Variants in EYS observed in about 807,000 individuals in gnomAD.
EYS encodes the protein protein eyes shut homolog.
A neutral mutation model predicts 282.1 loss-of-function variants in EYS; 250 were observed. The observed-to-expected ratio is 0.89, with a 90% CI of 0.80 to 0.98. The LOEUF is 0.98. Ranked by LOEUF, EYS falls within the 50% of genes least tolerant of loss-of-function variation. EYS has a pLI of 0.00. For synonymous variants in EYS, 1,355 were observed against 1,282.9 expected (o/e 1.06, Z -1.20); for missense variants, 4,016 against 3,709.0 (o/e 1.08, Z -2.15).
intron 30 of EYS, among the ~76,000 whole-genome samples, chr6:64,231,808 C>T (rs1183454908): frequency 1.3e-5 from 2 of 152,086 alleles, no homozygotes; most frequent in African/African-American, 4.8e-5. Flanking sequence ...TCAGCATACT[C>T]ATGAGTTTCA....
At chr6:63,809,553 A>T (rs1187503869) in intron 36 of EYS, among the ~76,000 whole-genome samples, 1 of 152,208 alleles carries the variant, frequency 6.6e-6, no homozygotes, top group African/African-American at 2.4e-5. Context: ...AATGAATTGG[A>T]AACATGAAGA....
intron 36 of EYS, among the ~76,000 whole-genome samples, chr6:63,828,325 C>T (rs557628229): frequency 1.3e-5 from 2 of 152,192 alleles, no homozygotes; most frequent in Admixed American, 1.3e-4. Flanking sequence ...AATTGATAGA[C>T]CATTAGCAAG....
At chr6:65,334,833 T>C in intron 11 of EYS, 147 bp downstream of exon 11, 1 of 654,890 alleles carries the variant, frequency 1.5e-6, no homozygotes, top group Non-Finnish European at 2.6e-6. Context: ...ATATAATAAC[T>C]ATATATGTAT....
At chr6:64,451,368 T>C (rs1217053956) in intron 26 of EYS, among the ~76,000 whole-genome samples, 1 of 152,132 alleles carries the variant, frequency 6.6e-6, no homozygotes, top group African/African-American at 2.4e-5. Context: ...CAATAATTAA[T>C]AGCTTACCAA....
chr6:64,977,092 C>T (rs892022531), intron 14 of EYS, among the ~76,000 whole-genome samples: 2 of 151,760 alleles, frequency 1.3e-5, no homozygotes, highest in African/African-American at 2.4e-5. Flanking sequence ...GGGATTTTGC[C>T]ATGTTGGCTA....
At chr6:63,991,057 G>A (rs1767581900) in intron 34 of EYS, among the ~76,000 whole-genome samples, 1 of 151,726 alleles carries the variant, frequency 6.6e-6, no homozygotes, top group African/African-American at 2.4e-5. Context: ...GAGATGGGCA[G>A]CTTGTGGCAG....
At chr6:65,295,837 A>G (rs1768645571) in intron 12 of EYS, 26 bp downstream of exon 12, 1 of 1,474,684 alleles carries the variant, frequency 6.8e-7, no homozygotes, top group Non-Finnish European at 9.0e-7. Context: ...TAGAAAATTT[A>G]ATTTATCAGG....
intron 22 of EYS, among the ~76,000 whole-genome samples, chr6:64,666,776 A>G (rs958687702): frequency 6.6e-6 from 1 of 152,174 alleles, no homozygotes; most frequent in African/African-American, 2.4e-5. Flanking sequence ...ACCTACCAAT[A>G]ACCAGTCTGT....
intron 29 of EYS, among the ~76,000 whole-genome samples, chr6:64,328,469 C>T (rs1770511357): frequency 6.6e-6 from 1 of 152,168 alleles, no homozygotes; most frequent in South Asian, 2.1e-4. Flanking sequence ...TCTCAGAGGT[C>T]TGCCAGAAGC....
intron 31 of EYS, among the ~76,000 whole-genome samples, chr6:64,109,722 A>G (rs1773145397): frequency 6.6e-6 from 1 of 152,174 alleles, no homozygotes; most frequent in Non-Finnish European, 1.5e-5. Flanking sequence ...TGGGAAAAGT[A>G]CATTAGAAAG....
chr6:64,699,632 C>T (rs1770711469), intron 22 of EYS, among the ~76,000 whole-genome samples: 1 of 151,938 alleles, frequency 6.6e-6, no homozygotes, highest in Non-Finnish European at 1.5e-5. Flanking sequence ...ATACAACTCC[C>T]AAGATTCATG....
At chr6:64,245,925 A>C (rs1025129520) in intron 30 of EYS, among the ~76,000 whole-genome samples, 2 of 146,400 alleles carry the variant, frequency 1.4e-5, no homozygotes, top group African/African-American at 5.0e-5. Flanking sequence ...AGGCTGAGGC[A>C]GGAGAATGGC....
chr6:64,834,385 G>C (rs560523819), intron 19 of EYS, among the ~76,000 whole-genome samples: 72 of 151,706 alleles, frequency 4.7e-4, no homozygotes, highest in Non-Finnish European at 9.1e-4. Context: ...ATACAGAGCT[G>C]CATGAAAAAA....
intron 26 of EYS, among the ~76,000 whole-genome samples, chr6:64,483,315 C>T (rs956304123): frequency 1.3e-5 from 2 of 151,670 alleles, no homozygotes; most frequent in Non-Finnish European, 3.0e-5. Context: ...GAGTAAAACA[C>T]TTAAACCCTA....
chr6:64,070,388 C>G (rs908569073), intron 32 of EYS, among the ~76,000 whole-genome samples: 4 of 151,994 alleles, frequency 2.6e-5, no homozygotes, highest in Admixed American at 1.3e-4. Flanking sequence ...CTGAGATAAT[C>G]AGAAAATGTT....
chr6:65,598,088 A>T lies in EYS; in HGVS notation c.-333+41690T>A, dbSNP rs909625432. 5.3e-5 allele frequency among the ~76,000 whole-genome samples: 8 copies of T among 151,152 alleles called. 1 individual carries two copies. The highest frequency in any genetic ancestry group is 4.6e-4 in the Admixed American group (7 of 15,086). ...GCACTCTAAACCTGGCAACAGAACG[A>T]AACCTTGTCAAAACAAAAACAAAAC... On this transcript the variant is annotated intron_variant, in intron 2 of 42. Transcript: ENST00000503581.
Position 65,179,575 on chromosome 6 carries a change from AC to A in EYS, c.2023+116287del, listed in dbSNP as rs528235316. ...AAATTGAGGCAATAACAGCTTAGCAACCAAAAAAAGTCCAGGACCAGATGGA... is the reference window on the plus strand; with the variant it reads ...AAATTGAGGCAATAACAGCTTAGCAACAAAAAAAGTCCAGGACCAGATGGA... On this transcript the variant is annotated intron_variant, in intron 12 of 42. Transcript: ENST00000503581. 1.9e-3 allele frequency among the ~76,000 whole-genome samples: 285 copies of A among 152,266 alleles called. 1 individual carries two copies. The highest frequency in any genetic ancestry group is 6.6e-3 in the African/African-American group (274 of 41,574).
At chr6:64,184,918 T>C (rs1057289920) in intron 31 of EYS, among the ~76,000 whole-genome samples, 2 of 151,988 alleles carry the variant, frequency 1.3e-5, no homozygotes, top group Non-Finnish European at 2.9e-5. Flanking sequence ...CCCAAATCCA[T>C]ATGCTGAAAA....
intron 22 of EYS, among the ~76,000 whole-genome samples, chr6:64,686,610 C>T (rs1770113533): frequency 6.7e-6 from 1 of 148,730 alleles, no homozygotes; most frequent in Non-Finnish European, 1.5e-5. Flanking sequence ...CCATGGTGGC[C>T]GGCCCCTGTA....
Sources: allele counts gnomAD v4.1 joint callset (sites outside exome capture counted in the v4.1 genomes callset), GRCh38; gene constraint gnomAD v4.1.1; transcripts MANE v1.5; gene names NCBI Gene and HGNC (gene_info 2026-07-23, HGNC 2026-07-21).